AFF3: variants seen among roughly 807,000 people sequenced by gnomAD.
AFF3 encodes the protein AF4/FMR2 family member 3.
In AFF3, 32 loss-of-function variants were observed where a neutral mutation model predicts 129.7. That is an observed-to-expected ratio of 0.25 (90% CI 0.19 to 0.33). The LOEUF (loss-of-function observed/expected upper bound fraction) is 0.33. AFF3 is among the 10% of genes least tolerant of loss of function. AFF3 has a pLI of 1.00. For missense variants in AFF3, 1,373 were observed against 1,592.0 expected, an observed-to-expected ratio of 0.86 and a Z score of 2.34; for synonymous variants, 644 against 635.4, an observed-to-expected ratio of 1.01 and a Z score of -0.20.
At position 99,601,476 on chromosome 2, in the gene AFF3, C is replaced by T. The variant is rs1383264450; in HGVS notation, c.1330G>A (p.Glu444Lys). Residue 444 changes from glutamate (E) to lysine (K), a missense_variant, in exon 14 of 25, where the codon GAG becomes AAG. Physicochemically the swap from Glu to Lys is moderately conservative, Grantham distance 56 (BLOSUM62 1). Coordinates refer to ENST00000672756, the MANE Select transcript of AFF3 (RefSeq NM_001386135.1). ...SDSETESSSS[E>K]SEGSKPPHFS... ...TGGGGGGGCTTGCTGCCCTCACTCT[C>T]GCTGGAGCTGCTCTCGGTCTCCGAG... 13 of 1,610,150 alleles carry T rather than the reference C, an allele frequency of 8.1e-6. No homozygotes were observed. The highest frequency in any genetic ancestry group is 2.7e-5 in the African/African-American group (2 of 74,886).
chr2:99,866,997 T>A (rs1378798089), intron 7 of AFF3, among the ~76,000 whole-genome samples: 1 of 112,286 alleles, frequency 8.9e-6, no homozygotes. Flanking sequence ...ATAATAATAA[T>A]AATAAAAAAT....
intron 18 of AFF3, among the ~76,000 whole-genome samples, chr2:99,577,293 A>G (rs866239086): frequency 6.6e-6 from 1 of 152,158 alleles, no homozygotes. Flanking sequence ...GGGATGGAGG[A>G]GCGGGGCGGA....
chr2:99,622,758 G>T (rs913522084), intron 13 of AFF3, among the ~76,000 whole-genome samples: 1 of 152,228 alleles, frequency 6.6e-6, no homozygotes, highest in Non-Finnish European at 1.5e-5. Context: ...GGAGGACAAG[G>T]CAGGCCTGCC....
intron 4 of AFF3, among the ~76,000 whole-genome samples, chr2:100,021,028 G>A (rs1683546138): frequency 6.6e-6 from 1 of 152,130 alleles, no homozygotes; most frequent in Admixed American, 6.5e-5. Context: ...GCTCCTTCCT[G>A]TGCCTTGAAC....
intron 4 of AFF3, among the ~76,000 whole-genome samples, chr2:100,015,926 A>G (rs987269721): frequency 6.6e-6 from 1 of 151,196 alleles, no homozygotes; most frequent in Non-Finnish European, 1.5e-5. Flanking sequence ...AGTGATGGTG[A>G]TGATGGTTAT....
At chr2:99,642,119 G>C (rs372850831) in intron 13 of AFF3, among the ~76,000 whole-genome samples, 4 of 152,152 alleles carry the variant, frequency 2.6e-5, no homozygotes, top group Non-Finnish European at 5.9e-5. Flanking sequence ...TCATGTCAAC[G>C]GTACGAAGCA....
In AFF3 at chr2:99,568,923, G is replaced by A. The variant is rs376249086; in HGVS notation, c.2919-8C>T. The A allele has an allele frequency of 1.9e-6, 3 of 1,613,488 alleles. No homozygotes were observed. Among genetic ancestry groups the A allele is most frequent in the Non-Finnish European group, 2.5e-6 (3 of 1,179,602 alleles). ...TAATCGGCACTGCGAGGCCTACAAG[G>A]AGAGAATGATATTAAACGTCATTAT... On this transcript the variant is annotated splice_region_variant and splice_polypyrimidine_tract_variant and intron_variant, in intron 18 of 24. Transcript: ENST00000672756.
intron 10 of AFF3, among the ~76,000 whole-genome samples, chr2:99,740,926 T>C (rs1277084298): frequency 6.6e-6 from 1 of 152,246 alleles, no homozygotes; most frequent in African/African-American, 2.4e-5. Flanking sequence ...AGGGTTTTTA[T>C]GGTTTTAGGT....
Position 99,966,689 on chromosome 2 carries a change from C to CAAAAAAAAAAA in AFF3, c.873+39932_873+39942dup, listed in dbSNP as rs61351679. Among the ~76,000 whole-genome samples the CAAAAAAAAAAA allele has an allele frequency of 3.8e-4, 14 of 36,700 alleles. 2 individuals are homozygous for CAAAAAAAAAAA. The highest frequency in any genetic ancestry group is 4.3e-4 in the African/African-American group (6 of 13,820). 24.1% of individuals were successfully genotyped at this position (36,700 alleles called of 152,430 possible). A position where few individuals can be genotyped will look rare whatever the true frequency, so the allele number is the denominator to read the frequency against. ...TGGGCGACAGAGCGAGACTCCGTCT[C>CAAAAAAAAAAA]AAAAAAAAAAAAAAAAAAAAAAAAA... On this transcript the variant is annotated intron_variant, in intron 7 of 24. Transcript: ENST00000672756.
Position 99,649,620 on chromosome 2 carries a change from AT to A in AFF3, c.1184+5del. 2 of 1,613,834 alleles carry A rather than the reference AT, an allele frequency of 1.2e-6. No individual in the cohort carries two copies. The highest frequency in any genetic ancestry group is 1.7e-6 in the Non-Finnish European group (2 of 1,179,822). On this transcript the variant is annotated splice_donor_5th_base_variant and intron_variant, in intron 13 of 24. Transcript: ENST00000672756. ...ATTTATAGTTCATAAAAATGACAAAATGTACCTGTCAGAGAGAGCGCGGAGA... is the reference window on the plus strand; with the variant it reads ...ATTTATAGTTCATAAAAATGACAAAAGTACCTGTCAGAGAGAGCGCGGAGA...
chr2:99,584,977 A>C (rs1377605263), intron 16 of AFF3, among the ~76,000 whole-genome samples: 1 of 152,234 alleles, frequency 6.6e-6, no homozygotes, highest in Non-Finnish European at 1.5e-5. Context: ...AAATGGATAC[A>C]TGTGGGGATA....
rs80326357 is a variant in AFF3, at chr2:99,750,413, C to G, written c.1002+1808G>C. On this transcript the variant is annotated intron_variant, in intron 9 of 24. Coordinates refer to ENST00000672756, the MANE Select transcript of AFF3 (RefSeq NM_001386135.1). Reference sequence around the variant, plus strand: ...TATGTAAAAAGTACTTTTTTTTTTTCTTTTCTTTTTTTTTTTTTTGAGACA... The same window carrying G: ...TATGTAAAAAGTACTTTTTTTTTTTGTTTTCTTTTTTTTTTTTTTGAGACA... 0.01 allele frequency among the ~76,000 whole-genome samples: 103 copies of G among 10,224 alleles called. 5 individuals are homozygous for G. In the East Asian group the frequency reaches 0.34, roughly 34 times the overall value. 6.7% of individuals were successfully genotyped at this position (10,224 alleles called of 152,430 possible).
chr2:99,732,080 C>T (rs1679875783), intron 10 of AFF3, among the ~76,000 whole-genome samples: 1 of 152,292 alleles, frequency 6.6e-6, no homozygotes, highest in East Asian at 1.9e-4. Context: ...TGTGGCTGGG[C>T]ACAGTGGCTC....
intron 7 of AFF3, among the ~76,000 whole-genome samples, chr2:99,967,850 T>C (rs943453120): frequency 6.6e-6 from 1 of 152,248 alleles, no homozygotes; most frequent in Non-Finnish European, 1.5e-5. Flanking sequence ...GTCACCTGTG[T>C]GTGCCTACGC....
intron 4 of AFF3, among the ~76,000 whole-genome samples, chr2:100,049,227 G>T (rs1394552112): frequency 6.6e-6 from 1 of 152,186 alleles, no homozygotes; most frequent in East Asian, 1.9e-4. Flanking sequence ...CCACCAAAGG[G>T]ATAGTGTGAC....
At chr2:99,661,909 G>T (rs747057550) in intron 12 of AFF3, among the ~76,000 whole-genome samples, 8 of 152,152 alleles carry the variant, frequency 5.3e-5, no homozygotes, top group Non-Finnish European at 8.8e-5. Flanking sequence ...GAAGGCCAAG[G>T]CAGGGGGATC....
At chr2:99,855,227 T>C (rs1026043857) in intron 7 of AFF3, among the ~76,000 whole-genome samples, 2 of 152,180 alleles carry the variant, frequency 1.3e-5, no homozygotes, top group Non-Finnish European at 1.5e-5. Context: ...ATGGAAATGT[T>C]TGAAAATTGG....
At chr2:99,985,631 C>G (rs949644533) in intron 7 of AFF3, among the ~76,000 whole-genome samples, 3 of 152,096 alleles carry the variant, frequency 2.0e-5, no homozygotes, top group Non-Finnish European at 4.4e-5. Context: ...ATGGATGAAC[C>G]CCACAAACAA....
intron 10 of AFF3, among the ~76,000 whole-genome samples, chr2:99,739,119 A>C (rs1448102245): frequency 6.7e-6 from 1 of 148,274 alleles, no homozygotes; most frequent in East Asian, 2.0e-4. Context: ...ATGGGGGTGG[A>C]GGGGTAATGG....
Sources: gnomAD v4.1 joint callset for allele counts (sites outside exome capture counted in the v4.1 genomes callset) on GRCh38, gnomAD v4.1.1 for gene constraint, MANE v1.5 for transcripts, NCBI Gene and HGNC (gene_info 2026-07-23, HGNC 2026-07-21) for gene names.